The following SETBP1 variants were observed in gnomAD, a reference collection of about 807,000 sequenced individuals.
SETBP1 encodes the protein SET binding protein 1, also known as SET-binding protein.
SETBP1 carries 9 observed loss-of-function variants against 101.0 expected under a neutral mutation model. That is an observed-to-expected ratio of 0.09 (90% confidence interval 0.05 to 0.16). The LOEUF is 0.16. Among genes scored for constraint, SETBP1 ranks in the 10% least tolerant of loss-of-function variants. SETBP1 has a pLI of 1.00. For synonymous variants in SETBP1, 818 were observed against 788.5 expected, an observed-to-expected ratio of 1.04 and a Z score of -0.63; for missense variants, 1,858 against 2,033.8, an observed-to-expected ratio of 0.91 and a Z score of 1.66.
chr18:45,037,217 C>G (rs1379722008), intron 4 of SETBP1, among the ~76,000 whole-genome samples: 2 of 152,090 alleles, frequency 1.3e-5, no homozygotes, highest in Non-Finnish European at 1.5e-5. Context: ...AATAGGTAAC[C>G]ATTTGAAATG....
At chr18:45,062,521 T>C (rs1261142636) in intron 5 of SETBP1, among the ~76,000 whole-genome samples, 2 of 152,212 alleles carry the variant, frequency 1.3e-5, no homozygotes, top group African/African-American at 2.4e-5. Context: ...AATGGTTCAG[T>C]TACATATTCT....
intron 2 of SETBP1, among the ~76,000 whole-genome samples, chr18:44,833,121 C>A (rs1394222267): frequency 6.6e-6 from 1 of 152,190 alleles, no homozygotes; most frequent in East Asian, 1.9e-4. Flanking sequence ...AAGCCAAGTG[C>A]CTAGGCTAGC....
chr18:44,901,650 T>C (rs939384476), intron 3 of SETBP1, among the ~76,000 whole-genome samples: 1 of 152,158 alleles, frequency 6.6e-6, no homozygotes, highest in Non-Finnish European at 1.5e-5. Context: ...ATTTGATTTA[T>C]TCCACCCCTA....
Position 44,950,091 on chromosome 18 carries a change from A to G in SETBP1, c.751A>G (p.Ile251Val), listed in dbSNP as rs1351488418. 1 of 1,614,198 alleles carries G rather than the reference A, an allele frequency of 6.2e-7. No homozygotes were observed. The highest frequency in any genetic ancestry group is 8.5e-7 in the Non-Finnish European group (1 of 1,180,050). The change falls in exon 4 of 6, where the codon ATC becomes GTC. Residue 251 changes from isoleucine to valine, a missense_variant. Transcript: ENST00000649279. ...SGRETASTSK[I>V]PALEPVASFA... is the part of the protein sequence containing the mutation. ...CAGAGAAACTGCAAGCACCAGCAAG[A>G]TCCCCGCTCTTGAGCCCGTGGCTTC...
intron 3 of SETBP1, among the ~76,000 whole-genome samples, chr18:44,891,754 A>G (rs888213012): frequency 2.6e-5 from 4 of 152,174 alleles, no homozygotes; most frequent in African/African-American, 7.2e-5. Context: ...TATCTGACCA[A>G]TTCAGAGTCC....
At chr18:45,059,638 TA>T (rs2145581161) in intron 5 of SETBP1, among the ~76,000 whole-genome samples, 1 of 152,090 alleles carries the variant, frequency 6.6e-6, no homozygotes, top group African/African-American at 2.4e-5. Flanking sequence ...TGCTGCCCCA[TA>T]GGGTAGCCAC....
chr18:44,891,413 C>T (rs888383639), intron 3 of SETBP1, among the ~76,000 whole-genome samples: 7 of 152,092 alleles, frequency 4.6e-5, no homozygotes, highest in African/African-American at 1.7e-4. Flanking sequence ...TATTAAGTAC[C>T]TATTGCTTGT....
chr18:45,058,828 TA>T (rs528264720), intron 5 of SETBP1, among the ~76,000 whole-genome samples: 10 of 152,238 alleles, frequency 6.6e-5, no homozygotes, highest in Non-Finnish European at 1.5e-4. Context: ...TATATTTATT[TA>T]TGCAGTTGGT....
intron 4 of SETBP1, among the ~76,000 whole-genome samples, chr18:45,014,029 G>GA (rs34718298): frequency 1.3e-4 from 20 of 149,832 alleles, no homozygotes; most frequent in South Asian, 2.1e-4. Flanking sequence ...ATGTTCGGCA[G>GA]AAAAAAAAAA....
At chr18:45,008,404 C>A (rs1023155642) in intron 4 of SETBP1, among the ~76,000 whole-genome samples, 1 of 152,282 alleles carries the variant, frequency 6.6e-6, no homozygotes, top group Non-Finnish European at 1.5e-5. Flanking sequence ...TCTCTTCTCT[C>A]ATGAATGTAT....
chr18:44,808,345 A>G (rs952353542), intron 2 of SETBP1, among the ~76,000 whole-genome samples: 4 of 152,134 alleles, frequency 2.6e-5, no homozygotes, highest in African/African-American at 9.7e-5. Context: ...AGCAGAACCC[A>G]TCTATGTGTG....
At chr18:44,830,288 T>C (rs908094823) in intron 2 of SETBP1, among the ~76,000 whole-genome samples, 5 of 152,240 alleles carry the variant, frequency 3.3e-5, no homozygotes, top group African/African-American at 9.6e-5. Context: ...AGCATTTTAC[T>C]GAACACAGTC....
Position 44,952,477 on chromosome 18 carries a change from G to A in SETBP1, c.3137G>A (p.Ser1046Asn), listed in dbSNP as rs944126348. 2 of 1,613,986 alleles carry A rather than the reference G, an allele frequency of 1.2e-6. No homozygotes were observed. The highest frequency in any genetic ancestry group is 2.7e-5 in the African/African-American group (2 of 74,886). Residue 1046 changes from serine to asparagine, a missense_variant, in exon 4 of 6, where the codon AGT becomes AAT. Around this residue, in one of 12 missense-constraint regions of SETBP1, gnomAD observed 255 missense variants for 300.1 expected, o/e 0.85. Coordinates refer to ENST00000649279, the MANE Select transcript of SETBP1 (RefSeq NM_015559.3). The stretch of plus-strand genomic sequence containing the variant: ...TTCAGCTACCCTATTCCCAGTGGAA[G>A]TTACTATGCACCCTATGGAATGCCT... ...QGFSYPIPSG[S>N]YYAPYGMPYT... is the part of the protein sequence containing the mutation.
At chr18:44,708,017 T>C (rs1157724289) in intron 2 of SETBP1, among the ~76,000 whole-genome samples, 2 of 152,208 alleles carry the variant, frequency 1.3e-5, no homozygotes, top group African/African-American at 4.8e-5. Context: ...TTAATGGTTG[T>C]AGCAATTTCG....
At chr18:44,936,371 C>T (rs2070957376) in intron 3 of SETBP1, among the ~76,000 whole-genome samples, 2 of 152,242 alleles carry the variant, frequency 1.3e-5, no homozygotes, top group Admixed American at 6.5e-5. Flanking sequence ...TTCCAATTAG[C>T]CCCTCCAAGC....
At chr18:44,869,161 C>G in intron 2 of SETBP1, 69 bp from the exon 3 acceptor site, 2 of 1,351,970 alleles carry the variant, frequency 1.5e-6, no homozygotes, top group Non-Finnish European at 2.1e-6. Flanking sequence ...CATTGCTGGT[C>G]AGTTGTCGTG....
chr18:45,049,774 C>T (rs1480890154), intron 5 of SETBP1, among the ~76,000 whole-genome samples: 10 of 152,064 alleles, frequency 6.6e-5, no homozygotes, highest in African/African-American at 2.4e-4. Context: ...AATGATGTGT[C>T]ATCTGCAGTA....
intron 2 of SETBP1, among the ~76,000 whole-genome samples, chr18:44,865,540 C>G (rs2069110548): frequency 6.6e-6 from 1 of 152,156 alleles, no homozygotes; most frequent in Non-Finnish European, 1.5e-5. Context: ...TCCTTTATTT[C>G]TGATCCACAC....
chr18:44,852,932 G>A (rs2072903001), intron 2 of SETBP1, among the ~76,000 whole-genome samples: 2 of 152,224 alleles, frequency 1.3e-5, no homozygotes, highest in South Asian at 2.1e-4. Flanking sequence ...ATGAGCAGCT[G>A]CCTTGGCTAA....
Sources: gnomAD v4.1 joint callset for allele counts (sites outside exome capture counted in the v4.1 genomes callset) on GRCh38, gnomAD v4.1.1 for gene constraint, gnomAD v4.1.1 regional missense constraint, MANE v1.5 for transcripts, NCBI Gene and HGNC (gene_info 2026-07-23, HGNC 2026-07-21) for gene names.